The following TVP23A variants were observed in gnomAD, a reference collection of about 807,000 sequenced individuals.
TVP23A encodes the protein trans-golgi network vesicle protein 23 homolog A, also known as Golgi apparatus membrane protein TVP23 homolog A.
Under a neutral mutation model 31.7 loss-of-function variants are expected in TVP23A, and 21 were observed. The ratio of observed to expected loss-of-function variants is 0.66; its 90% CI spans 0.47 to 0.95. The LOEUF is 0.95. Among genes scored for constraint, TVP23A ranks in the 40% least tolerant of loss-of-function variants. The pLI is 0.00. For missense variants in TVP23A, 279 were observed against 255.6 expected, an observed-to-expected ratio of 1.09 and a Z score of -0.62; for synonymous variants, 104 against 96.0, an observed-to-expected ratio of 1.08 and a Z score of -0.49.
At position 10,773,425 on chromosome 16, in the gene TVP23A, A is replaced by G. The variant is rs2031771648; in HGVS notation, c.341T>C (p.Ile114Thr). 5.6e-6 allele frequency: 9 copies of G among 1,607,830 alleles called. No homozygotes were observed. The highest frequency in any genetic ancestry group is 1.1e-5 in the South Asian group (1 of 89,200). Residue 114 changes from isoleucine (I) to threonine (T), a missense_variant, in exon 5 of 8, where the codon ATT becomes ACT. By Grantham distance (89) the Ile-to-Thr change is moderately conservative (BLOSUM62 -1). Transcript: ENST00000299866. Reference protein sequence around the residue: ...FEARKVSPNSIAATEAEARIF... With the variant: ...FEARKVSPNSTAATEAEARIF... ...TCGTGCTTCAGCTTCTGTGGCAGCA[A>G]TGCTATTCGGAGAGACCTGTTAAAG...
intron 2 of TVP23A, among the ~76,000 whole-genome samples, chr16:10,793,612 T>G (rs971981780): frequency 2.0e-5 from 3 of 152,042 alleles, no homozygotes; most frequent in African/African-American, 7.2e-5. Context: ...AAATATTTAT[T>G]TGGCTAGGTA....
chr16:10,795,783 A>G (rs1220228613), intron 2 of TVP23A, among the ~76,000 whole-genome samples: 1 of 152,120 alleles, frequency 6.6e-6, no homozygotes, highest in East Asian at 1.9e-4. Flanking sequence ...CCCTGTCACA[A>G]TCCCTGAAGA....
chr16:10,787,234 G>A (rs191835462), intron 2 of TVP23A, among the ~76,000 whole-genome samples: 1 of 152,270 alleles, frequency 6.6e-6, no homozygotes, highest in African/African-American at 2.4e-5. Flanking sequence ...AAATTATTTA[G>A]GCAGATAGTG....
chr16:10,767,246 CT>C lies in TVP23A; in HGVS notation c.*1855del, dbSNP rs2031021016. On this transcript the variant is annotated 3_prime_UTR_variant, in exon 8 of 8. Coordinates refer to ENST00000299866, the MANE Select transcript of TVP23A (RefSeq NM_001079512.4). The surrounding 1 kb of genome is among the most constrained non-coding windows in gnomAD (Gnocchi z 4.6). ...GAGGCGAGAACACCCCCATTGACCC[CT>C]AGCCCCTTGTGTCCTGTCCACCTGG... The C allele has an allele frequency of 2.5e-6, 1 of 399,740 alleles. No individual in the cohort carries two copies. Among genetic ancestry groups the C allele is most frequent in the Non-Finnish European group, 4.4e-6 (1 of 227,088 alleles). The allele number at this position is 399,740 out of a possible 1,614,324, so 24.8% of individuals were successfully genotyped here. A position where few individuals can be genotyped will look rare whatever the true frequency, so the allele number is the denominator to read the frequency against.
intron 2 of TVP23A, among the ~76,000 whole-genome samples, chr16:10,801,416 C>T (rs973853647): frequency 2.6e-5 from 4 of 152,152 alleles, no homozygotes; most frequent in Middle Eastern, 3.4e-3. Flanking sequence ...AAGAAAGGCT[C>T]GGAATAGTTC....
chr16:10,800,684 A>G (rs1044372191), intron 2 of TVP23A, among the ~76,000 whole-genome samples: 1 of 152,200 alleles, frequency 6.6e-6, no homozygotes, highest in African/African-American at 2.4e-5. Flanking sequence ...ACTTTTTAAA[A>G]AGCATTTTTG....
At chr16:10,791,784 A>G (rs577594672) in intron 2 of TVP23A, among the ~76,000 whole-genome samples, 14 of 151,696 alleles carry the variant, frequency 9.2e-5, no homozygotes, top group Middle Eastern at 3.4e-3. Context: ...ATTTTTTTTT[A>G]ATTTGTATTT....
chr16:10,800,000 G>A (rs2033613861), intron 2 of TVP23A, among the ~76,000 whole-genome samples: 1 of 145,598 alleles, frequency 6.9e-6, no homozygotes, highest in Non-Finnish European at 1.5e-5. Context: ...TTCACCCTGA[G>A]TGGGGTTCTT....
chr16:10,788,534 G>A (rs989850368), intron 2 of TVP23A, among the ~76,000 whole-genome samples: 11 of 152,098 alleles, frequency 7.2e-5, no homozygotes, highest in Admixed American at 3.9e-4. Flanking sequence ...TAAGGTACCC[G>A]AAGTCCGGTG....
downstream of TVP23A, among the ~76,000 whole-genome samples, chr16:10,766,457 G>T (rs571323697): frequency 6.6e-6 from 1 of 152,278 alleles, no homozygotes; most frequent in Admixed American, 6.5e-5. The surrounding 1 kb of genome is among the most constrained non-coding windows in gnomAD (Gnocchi z 4.8). Context: ...GGGGGCTGGG[G>T]AGCCCTCTGG....
rs897865125 is a variant in TVP23A, at chr16:10,777,866, C to G, written c.90-2770G>C. ...TCTCTACTAAAAATACAAAAATTAG[C>G]TGAGCGTGGTGGTGGGCGCCTGTAG... On this transcript the variant is annotated intron_variant, in intron 2 of 7. Transcript: ENST00000299866. This position sits in a 1 kb window ranked among gnomAD's most constrained non-coding sequence, Gnocchi z 4.5. Among the ~76,000 whole-genome samples the G allele has an allele frequency of 9.2e-5, 14 of 152,040 alleles. No individual in the cohort carries two copies. Among genetic ancestry groups the G allele is most frequent in the Non-Finnish European group, 1.6e-4 (11 of 68,020 alleles).
At position 10,818,335 on chromosome 16, in the gene TVP23A, G is replaced by A. The variant is rs982307843; in HGVS notation, c.9+150C>T. On this transcript the variant is annotated intron_variant, in intron 1 of 7. Transcript: ENST00000299866. This position sits in a 1 kb window ranked among gnomAD's most constrained non-coding sequence, Gnocchi z 4.7. Reference sequence around the variant, plus strand: ...GCGGGGCCCCTCCGCTGCGGCTGCAGTGCAAAGCCCTCTCCACCCTCCCGA... The same window carrying A: ...GCGGGGCCCCTCCGCTGCGGCTGCAATGCAAAGCCCTCTCCACCCTCCCGA... 6 of 1,374,964 alleles carry A rather than the reference G, an allele frequency of 4.4e-6. No homozygotes were observed. In the African/African-American group the frequency reaches 5.7e-5, roughly 13 times the overall value. The allele number at this position is 1,374,964 out of a possible 1,614,324, so 85.2% of individuals were successfully genotyped here. A position where few individuals can be genotyped will look rare whatever the true frequency, so the allele number is the denominator to read the frequency against.
chr16:10,770,868 C>CAAAAAAAAAAAAA (rs376701429), intron 6 of TVP23A, among the ~76,000 whole-genome samples: 81 of 66,448 alleles, frequency 1.2e-3, no homozygotes, highest in Middle Eastern at 0.014. Flanking sequence ...ACTCCCATCT[C>CAAAAAAAAAAAAA]AAAAAAAAAA....
At chr16:10,788,143 C>G (rs1425865848) in intron 2 of TVP23A, among the ~76,000 whole-genome samples, 1 of 152,106 alleles carries the variant, frequency 6.6e-6, no homozygotes, top group Non-Finnish European at 1.5e-5. Context: ...ACAACTCAAA[C>G]AGGGAGGGCG....
rs958141516 is a variant in TVP23A at position 10,778,427 on chromosome 16, T to C, written c.90-3331A>G. ...GTGTCTCTTTTTGCTGTAAACCTAA[T>C]TGAGAATTTCCTAACTGAATAAAAT... On this transcript the variant is annotated intron_variant, in intron 2 of 7. Coordinates refer to ENST00000299866, the MANE Select transcript of TVP23A (RefSeq NM_001079512.4). Among the ~76,000 whole-genome samples the C allele has an allele frequency of 5.9e-5, 9 of 152,182 alleles. No homozygotes were observed. In the South Asian group the frequency reaches 6.2e-4, roughly 11 times the overall value.
chr16:10,786,835 CA>C (rs1161512668), intron 2 of TVP23A, among the ~76,000 whole-genome samples: 1 of 151,850 alleles, frequency 6.6e-6, no homozygotes, highest in Non-Finnish European at 1.5e-5. Context: ...AAGAAATCGG[CA>C]GAAGCAGCCC....
intron 2 of TVP23A, among the ~76,000 whole-genome samples, chr16:10,796,729 C>T (rs1454209696): frequency 1.3e-5 from 2 of 152,122 alleles, no homozygotes; most frequent in Admixed American, 6.5e-5. Flanking sequence ...TGAGCCACCG[C>T]GCCCGGCCCA....
intron 2 of TVP23A, among the ~76,000 whole-genome samples, chr16:10,795,656 C>T (rs189493206): frequency 2.0e-5 from 3 of 152,270 alleles, no homozygotes; most frequent in Admixed American, 2.0e-4. Context: ...TTCAAGCATG[C>T]ATTATGCCTT....
At chr16:10,784,565 A>T (rs1454453144) in intron 2 of TVP23A, among the ~76,000 whole-genome samples, 1 of 148,590 alleles carries the variant, frequency 6.7e-6, no homozygotes, top group Non-Finnish European at 1.5e-5. Context: ...TGTCTCAAAA[A>T]AAATAAATAA....
Sources: allele counts gnomAD v4.1 joint callset (sites outside exome capture counted in the v4.1 genomes callset), GRCh38; gene constraint gnomAD v4.1.1; non-coding constraint Gnocchi (gnomAD v3.1); transcripts MANE v1.5; gene names NCBI Gene and HGNC (gene_info 2026-07-23, HGNC 2026-07-21).